Variants in LRCOL1 observed in about 807,000 individuals in gnomAD.
LRCOL1 encodes leucine rich colipase like 1.
In LRCOL1, 21 loss-of-function variants were observed where a neutral mutation model predicts 21.6. The ratio of observed to expected loss-of-function variants is 0.97; its 90% CI spans 0.69 to 1.40. LRCOL1 has a LOEUF of 1.40. Among genes scored for constraint, LRCOL1 ranks in the 40% most tolerant of loss-of-function variants. LRCOL1 has a pLI of 0.00. For missense variants in LRCOL1, 198 were observed against 202.3 expected (o/e 0.98, Z 0.13); for synonymous variants, 98 against 90.1 (o/e 1.09, Z -0.49).
rs1186194067 is a variant in LRCOL1, at chr12:132,603,334, C to T, written c.*68G>A. On this transcript the variant is annotated 3_prime_UTR_variant, in exon 6 of 6. Coordinates refer to ENST00000376608, the MANE Select transcript of LRCOL1 (RefSeq NM_001195520.2). Reference sequence around the variant, plus strand: ...AAGCTTCCGCTGGAACCAGCCCCCGCGCAACGCGGTCCTGCGTGAACATCC... The same window carrying T: ...AAGCTTCCGCTGGAACCAGCCCCCGTGCAACGCGGTCCTGCGTGAACATCC... The T allele has an allele frequency of 2.6e-6, 4 of 1,532,688 alleles. No homozygotes were observed. In the African/African-American group the frequency reaches 4.1e-5, roughly 16 times the overall value. The allele number at this position is 1,532,688 out of a possible 1,614,324, so 94.9% of individuals were successfully genotyped here.
In LRCOL1 at chr12:132,604,587, A is replaced by G. The variant is rs1167504193; in HGVS notation, c.232-3T>C. On this transcript the variant is annotated splice_polypyrimidine_tract_variant and splice_region_variant and intron_variant, in intron 3 of 5. Coordinates refer to ENST00000376608, the MANE Select transcript of LRCOL1 (RefSeq NM_001195520.2). ...TGCGAGCATCTGTACCCATTGGGCTATGGGACAGGAGACGCGTCATCCCTG... is the reference window on the plus strand; with the variant it reads ...TGCGAGCATCTGTACCCATTGGGCTGTGGGACAGGAGACGCGTCATCCCTG... The G allele has an allele frequency of 3.9e-6, 6 of 1,532,982 alleles. No homozygotes were observed. Among genetic ancestry groups the G allele is most frequent in the Non-Finnish European group, 5.2e-6 (6 of 1,144,510 alleles). The allele number at this position is 1,532,982 out of a possible 1,614,324, so 95.0% of individuals were successfully genotyped here. A position where few individuals can be genotyped will look rare whatever the true frequency, so the allele number is the denominator to read the frequency against.
chr12:132,607,146 C>T (rs1466315148), intron 1 of LRCOL1, among the ~76,000 whole-genome samples: 3 of 152,294 alleles, frequency 2.0e-5, no homozygotes, highest in South Asian at 2.1e-4. Context: ...GCCCCATGCC[C>T]GGACGGCGCT....
Position 132,604,521 on chromosome 12 carries a change from T to G in LRCOL1, c.295A>C (p.Ser99Arg), listed in dbSNP as rs1282310689. Reference sequence around the variant, plus strand: ...TGGGGCGTGCACAACTCCTGCGGGCTGTTGTTGCGGACGCAGCAGCTGCTC... The same window carrying G: ...TGGGGCGTGCACAACTCCTGCGGGCGGTTGTTGCGGACGCAGCAGCTGCTC... ...CQSSCCVRNN[S>R]PQELCTPQSV... is the part of the protein sequence containing the mutation. Residue 99 changes from serine to arginine, a missense_variant, in exon 4 of 6, where the codon AGC becomes CGC. Ser to Arg is a moderately radical substitution (Grantham distance 110). Transcript: ENST00000376608. 6.5e-7 allele frequency: 1 copy of G among 1,535,950 alleles called. No homozygotes were observed. Among genetic ancestry groups the G allele is most frequent in the Non-Finnish European group, 8.7e-7 (1 of 1,146,894 alleles).
chr12:132,604,744 G>A lies in LRCOL1; in HGVS notation c.193C>T (p.Pro65Ser), dbSNP rs1040752248. Residue 65 changes from proline to serine, a missense_variant, in exon 3 of 6, where the codon CCT (proline) becomes TCT (serine). Transcript: ENST00000376608. ...NSLAPHTLCT[P>S]KTIFLQCLPW... ...AGGCACTGCAGGAAGATGGTCTTAGGGGTGCAGAGCGTGTGTGGGGCCAGG... is the reference window on the plus strand; with the variant it reads ...AGGCACTGCAGGAAGATGGTCTTAGAGGTGCAGAGCGTGTGTGGGGCCAGG... 1.1e-5 allele frequency: 17 copies of A among 1,536,172 alleles called. No individual in the cohort carries two copies. Among genetic ancestry groups the A allele is most frequent in the Non-Finnish European group, 1.5e-5 (17 of 1,146,906 alleles).
chr12:132,608,969 G>T (rs902473613), intron 1 of LRCOL1, among the ~76,000 whole-genome samples: 1 of 152,184 alleles, frequency 6.6e-6, no homozygotes, highest in African/African-American at 2.4e-5. Flanking sequence ...TGCCTGTGCT[G>T]GGAAAGTCCG....
At position 132,604,806 on chromosome 12, in the gene LRCOL1, T is replaced by A. The variant is rs2041282524; in HGVS notation, c.131A>T (p.His44Leu). The change falls in exon 3 of 6, where the codon CAC becomes CTC. Residue 44 changes from histidine (H) to leucine (L), a missense_variant. Coordinates refer to ENST00000376608, the MANE Select transcript of LRCOL1 (RefSeq NM_001195520.2). ...HKGIGEPCRR[H>L]EECQSNCCTI... The stretch of plus-strand genomic sequence containing the variant: ...ACAGCAGTTGCTCTGGCACTCCTCG[T>A]GTCTCCTGCATGGCTCCCCGATGCC... The A allele has an allele frequency of 1.3e-6, 2 of 1,536,054 alleles. No individual in the cohort carries two copies. The highest frequency in any genetic ancestry group is 1.2e-5 in the South Asian group (1 of 84,066).
In LRCOL1 at chr12:132,604,736, G is replaced by T. The variant is rs942421741; in HGVS notation, c.201C>A (p.Thr67=). Residue 67 remains threonine (T), a synonymous_variant, in exon 3 of 6, where the codon ACC becomes ACA. Transcript: ENST00000376608. ...LAPHTLCTPK[T]IFLQCLPWRK... is the part of the protein sequence containing the mutation. ...TCCAGGGCAGGCACTGCAGGAAGAT[G>T]GTCTTAGGGGTGCAGAGCGTGTGTG... 1 of 1,536,232 alleles carries T rather than the reference G, an allele frequency of 6.5e-7. No individual in the cohort carries two copies. The highest frequency in any genetic ancestry group is 8.7e-7 in the Non-Finnish European group (1 of 1,146,916).
intron 2 of LRCOL1, 197 bp from the exon 3 acceptor site, chr12:132,605,028 G>A: frequency 7.1e-7 from 1 of 1,415,830 alleles, no homozygotes; most frequent in Non-Finnish European, 9.2e-7. Context: ...GCTGAGAAAG[G>A]GAATGTCTAC....
chr12:132,609,689 T>C (rs1399776993), intron 1 of LRCOL1, among the ~76,000 whole-genome samples: 1 of 152,088 alleles, frequency 6.6e-6, no homozygotes, highest in Non-Finnish European at 1.5e-5. Context: ...AGAGTGAGAC[T>C]CCATCTCAAA....
intron 1 of LRCOL1, among the ~76,000 whole-genome samples, chr12:132,609,561 G>T (rs1406457349): frequency 6.6e-6 from 1 of 152,200 alleles, no homozygotes; most frequent in Non-Finnish European, 1.5e-5. Flanking sequence ...GCTGGGTGTG[G>T]TGGTGCATCC....
intron 1 of LRCOL1, among the ~76,000 whole-genome samples, chr12:132,608,978 C>T (rs1000735287): frequency 3.3e-5 from 5 of 152,164 alleles, no homozygotes; most frequent in Middle Eastern, 3.2e-3. Flanking sequence ...TGGGAAAGTC[C>T]GGTGTCTAAC....
chr12:132,603,938 A>AAG (rs2041263004), intron 5 of LRCOL1: 1 of 1,234,310 alleles, frequency 8.1e-7, no homozygotes, highest in Non-Finnish European at 1.0e-6. Flanking sequence ...CTCCGGCCTG[A>AAG]AGACGTCCAA....
At chr12:132,604,889 C>T (rs2041284252) in intron 2 of LRCOL1, 58 bp from the exon 3 acceptor site, 13 of 1,523,572 alleles carry the variant, frequency 8.5e-6, no homozygotes, top group Non-Finnish European at 1.1e-5. Flanking sequence ...GCAGACTCAG[C>T]ACTCAGGAAA....
In LRCOL1 at chr12:132,604,710, C is replaced by T; in HGVS notation, c.227G>A (p.Arg76Lys). 1 of 1,536,038 alleles carries T rather than the reference C, an allele frequency of 6.5e-7. No homozygotes were observed. The highest frequency in any genetic ancestry group is 1.7e-4 in the Middle Eastern group (1 of 5,988). The change falls in exon 3 of 6, where the codon AGG (arginine) becomes AAG (lysine). Residue 76 changes from arginine to lysine, a missense_variant. Coordinates refer to ENST00000376608, the MANE Select transcript of LRCOL1 (RefSeq NM_001195520.2). ...CCGCCCCTGCACGCACCTCACCTTCCTCCAGGGCAGGCACTGCAGGAAGAT... is the reference window on the plus strand; with the variant it reads ...CCGCCCCTGCACGCACCTCACCTTCTTCCAGGGCAGGCACTGCAGGAAGAT... ...KTIFLQCLPW[R>K]KPNGYRCSHD...
At chr12:132,604,131 T>A in intron 5 of LRCOL1, 123 bp downstream of exon 5, 1 of 1,441,584 alleles carries the variant, frequency 6.9e-7, no homozygotes, top group Non-Finnish European at 9.1e-7. Context: ...CCAGCAGGGG[T>A]GCCTGGGTGC....
chr12:132,603,931 C>G, intron 5 of LRCOL1: 1 of 1,229,478 alleles, frequency 8.1e-7, no homozygotes, highest in Non-Finnish European at 1.0e-6. Flanking sequence ...GTTCCCTCTC[C>G]GGCCTGAAGA....
At chr12:132,603,478 C>T in intron 5 of LRCOL1, 74 bp from the exon 6 acceptor site, 1 of 1,535,648 alleles carries the variant, frequency 6.5e-7, no homozygotes, top group Non-Finnish European at 8.7e-7. Context: ...AGGACGGGAA[C>T]CCGGGGCCAC....
In LRCOL1 at chr12:132,603,360, C is replaced by T. The variant is rs1725709571; in HGVS notation, c.*42G>A. On this transcript the variant is annotated 3_prime_UTR_variant, in exon 6 of 6. Coordinates refer to ENST00000376608, the MANE Select transcript of LRCOL1 (RefSeq NM_001195520.2). ...GCAACGCGGTCCTGCGTGAACATCCCAGGGCCCAGGCCGGTCCCTCGCGCC... is the reference window on the plus strand; with the variant it reads ...GCAACGCGGTCCTGCGTGAACATCCTAGGGCCCAGGCCGGTCCCTCGCGCC... 6.5e-7 allele frequency: 1 copy of T among 1,536,072 alleles called. No homozygotes were observed. Among genetic ancestry groups the T allele is most frequent in the Non-Finnish European group, 8.7e-7 (1 of 1,146,826 alleles).
In LRCOL1 at chr12:132,606,060, G is replaced by A; in HGVS notation, c.105+87C>T. 1 of 1,265,986 alleles carries A rather than the reference G, an allele frequency of 7.9e-7. No homozygotes were observed. Among genetic ancestry groups the A allele is most frequent in the Admixed American group, 2.2e-5 (1 of 46,308 alleles). 78.4% of individuals were successfully genotyped at this position (1,265,986 alleles called of 1,614,324 possible). ...CGGAAAGTGGCAGCCCTCGCGGGTGGGGACTGCAAGGGCCTCAGGGGCGCC... is the reference window on the plus strand; with the variant it reads ...CGGAAAGTGGCAGCCCTCGCGGGTGAGGACTGCAAGGGCCTCAGGGGCGCC... On this transcript the variant is annotated intron_variant, in intron 2 of 5. Coordinates refer to ENST00000376608, the MANE Select transcript of LRCOL1 (RefSeq NM_001195520.2). The surrounding 1 kb of genome is among the most constrained non-coding windows in gnomAD (Gnocchi z 4.6).
Sources: allele counts gnomAD v4.1 joint callset (sites outside exome capture counted in the v4.1 genomes callset), GRCh38; gene constraint gnomAD v4.1.1; non-coding constraint Gnocchi (gnomAD v3.1); transcripts MANE v1.5; gene names NCBI Gene and HGNC (gene_info 2026-07-23, HGNC 2026-07-21).